Variants in MID1 observed in about 807,000 individuals in gnomAD.
MID1 encodes E3 ubiquitin-protein ligase Midline-1.
A neutral mutation model predicts 40.4 loss-of-function variants in MID1; 7 were observed. The observed-to-expected ratio is 0.17, with a 90% confidence interval of 0.10 to 0.33. The LOEUF is 0.33. Among genes scored for constraint, MID1 ranks in the 10% least tolerant of loss-of-function variants. The pLI, the probability that MID1 is intolerant of heterozygous loss-of-function variation, is 1.00. For synonymous variants in MID1, 229 were observed against 221.2 expected, an observed-to-expected ratio of 1.04 and a Z score of -0.31; for missense variants, 367 against 558.5, an observed-to-expected ratio of 0.66 and a Z score of 3.46.
chrX:10,691,208 C>A (rs2043129763), intron 1 of MID1, among the ~76,000 whole-genome samples: 2 of 111,867 alleles, frequency 1.8e-5, no homozygotes, highest in Admixed American at 9.5e-5. Flanking sequence ...CAATATATAT[C>A]CATAATACAA....
intron 6 of MID1, among the ~76,000 whole-genome samples, chrX:10,474,002 A>G (rs779066073): frequency 4.2e-4 from 47 of 112,160 alleles, no homozygotes; most frequent in South Asian, 3.8e-3. Context: ...AGGAATTCCA[A>G]TGTAAATTTG....
At chrX:10,606,018 T>C (rs1935619383) in intron 1 of MID1, among the ~76,000 whole-genome samples, 1 of 111,786 alleles carries the variant, frequency 8.9e-6, no homozygotes, top group South Asian at 3.7e-4. Flanking sequence ...GTCAGAGCCA[T>C]AGATAACAGT....
At chrX:10,777,390 G>GA (rs2043811181) in intron 1 of MID1, among the ~76,000 whole-genome samples, 1 of 106,278 alleles carries the variant, frequency 9.4e-6, no homozygotes, top group Non-Finnish European at 1.9e-5. Context: ...AGTAGAGACG[G>GA]GTTTCACCGT....
intron 1 of MID1, among the ~76,000 whole-genome samples, chrX:10,747,948 A>T (rs2043570465): frequency 8.9e-6 from 1 of 111,815 alleles, no homozygotes; most frequent in Non-Finnish European, 1.9e-5. Context: ...GGGAAATAAG[A>T]GGGACTTCTT....
At chrX:10,628,363 A>T (rs1936017269) in intron 1 of MID1, among the ~76,000 whole-genome samples, 1 of 111,518 alleles carries the variant, frequency 9.0e-6, no homozygotes, top group Non-Finnish European at 1.9e-5. Flanking sequence ...GCTTCATTTT[A>T]TTTCTCCTTT....
intron 1 of MID1, among the ~76,000 whole-genome samples, chrX:10,640,395 A>C (rs920730911): frequency 7.2e-5 from 8 of 111,108 alleles, no homozygotes; most frequent in African/African-American, 2.6e-4. Context: ...CTTTAAACCA[A>C]CAAACATCAA....
intron 1 of MID1, among the ~76,000 whole-genome samples, chrX:10,656,049 A>C (rs1194135456): frequency 8.9e-6 from 1 of 112,329 alleles, no homozygotes; most frequent in Non-Finnish European, 1.9e-5. Context: ...GATAACTGAT[A>C]CACTCTACAC....
intron 2 of MID1, among the ~76,000 whole-genome samples, chrX:10,537,301 C>G (rs2525074): frequency 0.36 from 39,570 of 110,903 alleles, 5,479 homozygotes; most frequent in African/African-American, 0.41. Context: ...ATTGGTTGGA[C>G]TCAGTGTACC....
chrX:10,491,761 T>A (rs185037746), intron 4 of MID1, among the ~76,000 whole-genome samples: 1 of 112,089 alleles, frequency 8.9e-6, no homozygotes, highest in East Asian at 2.8e-4. Context: ...AGATACAGTG[T>A]GTGGTCTTAG....
At chrX:10,665,656 T>C (rs766722805) in intron 1 of MID1, among the ~76,000 whole-genome samples, 9 of 107,681 alleles carry the variant, frequency 8.4e-5, no homozygotes, top group Non-Finnish European at 1.7e-4. Flanking sequence ...GTCTCCGGAG[T>C]AGATGGGACT....
chrX:10,677,222 A>G (rs1017036975), intron 1 of MID1, among the ~76,000 whole-genome samples: 1 of 112,121 alleles, frequency 8.9e-6, no homozygotes, highest in African/African-American at 3.2e-5. Flanking sequence ...CATTTTTTTA[A>G]AAATCATGTT....
intron 1 of MID1, among the ~76,000 whole-genome samples, chrX:10,799,898 G>T (rs1179608776): frequency 9.5e-6 from 1 of 105,409 alleles, no homozygotes; most frequent in African/African-American, 3.9e-5. Flanking sequence ...GCCAAGCAGG[G>T]ATTTAAACTC....
At chrX:10,700,495 G>C (rs1302560753) in intron 1 of MID1, among the ~76,000 whole-genome samples, 1 of 111,531 alleles carries the variant, frequency 9.0e-6, no homozygotes, top group Non-Finnish European at 1.9e-5. Context: ...TGAGGCTACA[G>C]TGAGCTATCA....
chrX:10,681,421 T>C (rs757618897), intron 1 of MID1, among the ~76,000 whole-genome samples: 85 of 112,140 alleles, frequency 7.6e-4, no homozygotes, highest in Non-Finnish European at 1.2e-3. Flanking sequence ...GGAGACTCGC[T>C]CATTGCGTGG....
chrX:10,477,128 T>A (rs1248786608), intron 5 of MID1, among the ~76,000 whole-genome samples: 1 of 112,368 alleles, frequency 8.9e-6, no homozygotes, highest in East Asian at 2.8e-4. Context: ...TTCTCCATCA[T>A]AATGTCTGGC....
chrX:10,501,379 T>C (rs1338086699), intron 3 of MID1: 1 of 1,145,183 alleles, frequency 8.7e-7, no homozygotes, highest in South Asian at 1.9e-5. Flanking sequence ...ATCTCATTTT[T>C]GACCTCACCC....
chrX:10,736,590 G>A (rs2043489547), intron 1 of MID1, among the ~76,000 whole-genome samples: 1 of 112,171 alleles, frequency 8.9e-6, no homozygotes, highest in Admixed American at 9.4e-5. Context: ...GGCATTGGAA[G>A]AGACATGTTG....
rs186161828 is a variant in MID1, at chrX:10,822,834, G to A, written c.-187+10720C>T. 3.4e-3 allele frequency among the ~76,000 whole-genome samples: 384 copies of A among 111,774 alleles called. 2 individuals are homozygous for A. The highest frequency in any genetic ancestry group is 5.9e-3 in the Non-Finnish European group (313 of 53,113). ...CAGTCAAAGAACAACAGATGCTGGC[G>A]AGGTTGTAGAGAAAAAGGAAGACTT... On this transcript the variant is annotated intron_variant, in intron 1 of 10. Coordinates refer to the MID1 transcript ENST00000380785.
At chrX:10,765,907 AAAAG>A (rs374336386) in intron 1 of MID1, among the ~76,000 whole-genome samples, 250 of 104,033 alleles carry the variant, frequency 2.4e-3, no homozygotes, top group African/African-American at 4.9e-3. Context: ...GAAAGAAAGA[AAAAG>A]AAAGAAAGAA....
Sources: allele counts gnomAD v4.1 joint callset (sites outside exome capture counted in the v4.1 genomes callset), GRCh38; gene constraint gnomAD v4.1.1; transcripts MANE v1.5; gene names NCBI Gene and HGNC (gene_info 2026-07-23, HGNC 2026-07-21).